Variants in INO80D observed in about 807,000 individuals in gnomAD.
The protein encoded by INO80D is INO80 complex subunit D.
In INO80D, 21 loss-of-function variants were observed where a neutral mutation model predicts 87.6. The ratio of observed to expected loss-of-function variants is 0.24; its 90% CI spans 0.17 to 0.35. The LOEUF (loss-of-function observed/expected upper bound fraction) is 0.35, where lower values mean the gene tolerates loss of function less well. Among genes scored for constraint, INO80D ranks in the 10% least tolerant of loss-of-function variants. INO80D has a pLI of 1.00. For synonymous variants in INO80D, 440 were observed against 491.0 expected (o/e 0.90, Z 1.37); for missense variants, 982 against 1,280.7 (o/e 0.77, Z 3.56).
At position 206,027,156 on chromosome 2, in the gene INO80D, G is replaced by GCACACACACA. The variant is rs34673264; in HGVS notation, c.1298+945_1298+954dup. Among the ~76,000 whole-genome samples, 128 of 151,304 alleles carry GCACACACACA rather than the reference G, an allele frequency of 8.5e-4. 1 individual carries two copies. Among genetic ancestry groups the GCACACACACA allele is most frequent in the Non-Finnish European group, 1.4e-3 (92 of 67,750 alleles). On this transcript the variant is annotated intron_variant, in intron 6 of 10. Transcript: ENST00000403263. ...AATTTACACACGCACGCGCGCACGC[G>GCACACACACA]CACACACACACACACACACACAGAG...
chr2:206,057,161 T>A (rs984497746), intron 3 of INO80D, among the ~76,000 whole-genome samples: 3 of 152,082 alleles, frequency 2.0e-5, no homozygotes, highest in Middle Eastern at 6.3e-3. Context: ...TGCACAGGGG[T>A]GGCCAGACAG....
At chr2:206,080,881 C>T (rs1453888873) in intron 1 of INO80D, among the ~76,000 whole-genome samples, 29 of 110,450 alleles carry the variant, frequency 2.6e-4, no homozygotes, top group Non-Finnish European at 3.8e-4. Context: ...CCAGCCTGGG[C>T]GACAGAGTGA....
chr2:206,071,832 T>C (rs1044851438), intron 1 of INO80D, among the ~76,000 whole-genome samples: 1 of 152,046 alleles, frequency 6.6e-6, no homozygotes, highest in East Asian at 1.9e-4. Context: ...ATTTTTTCAC[T>C]TTCCCTTGAG....
rs373314822 is a variant in INO80D, at chr2:206,028,136, G to A, written c.1273C>T (p.Arg425Trp). The change falls in exon 6 of 11, where the codon CGG (arginine) becomes TGG (tryptophan). Residue 425 changes from arginine to tryptophan, a missense_variant. Coordinates refer to ENST00000403263, the MANE Select transcript of INO80D (RefSeq NM_017759.5). ...ECTGQLIQELRRAACSRTSIS... is the reference protein window; with the variant it reads ...ECTGQLIQELWRAACSRTSIS... ...CTGGTTCGACTGCATGCAGCTCTCCGCAGTTCTTGTATTAACTGACCAGTG... is the reference window on the plus strand; with the variant it reads ...CTGGTTCGACTGCATGCAGCTCTCCACAGTTCTTGTATTAACTGACCAGTG... The A allele has an allele frequency of 7.1e-6, 11 of 1,552,984 alleles. No homozygotes were observed. Among genetic ancestry groups the A allele is most frequent in the African/African-American group, 4.1e-5 (3 of 73,274 alleles).
At chr2:206,029,780 GAAGA>G (rs1381171950) in intron 5 of INO80D, among the ~76,000 whole-genome samples, 1 of 152,112 alleles carries the variant, frequency 6.6e-6, no homozygotes, top group Non-Finnish European at 1.5e-5. Context: ...CAGCACTACA[GAAGA>G]GAGACCAACA....
rs146743400 is a variant in INO80D at position 205,995,126 on chromosome 2, C to G, written c.*9242G>C. ...AGGCAAATTGGTGAATTAAGTTGAT[C>G]TAGGAGATGGTGGCTGACATACACT... On this transcript the variant is annotated 3_prime_UTR_variant, in exon 11 of 11. Transcript: ENST00000403263. The G allele has an allele frequency of 3.3e-5, 5 of 152,264 alleles. No homozygotes were observed. In the East Asian group the frequency reaches 9.6e-4, roughly 29 times the overall value. The allele number at this position is 152,264 out of a possible 1,614,324, so 9.4% of individuals were successfully genotyped here. A position where few individuals can be genotyped will look rare whatever the true frequency, so the allele number is the denominator to read the frequency against.
At chr2:206,050,798 T>G (rs1213042959) in intron 4 of INO80D, among the ~76,000 whole-genome samples, 1 of 151,900 alleles carries the variant, frequency 6.6e-6, no homozygotes, top group Non-Finnish European at 1.5e-5. Flanking sequence ...GAAACCCCCG[T>G]CTCTACTAAA....
Position 206,028,136 on chromosome 2 carries a change from G to C in INO80D, c.1273C>G (p.Arg425Gly). 1 of 1,553,102 alleles carries C rather than the reference G, an allele frequency of 6.4e-7. No homozygotes were observed. Among genetic ancestry groups the C allele is most frequent in the Non-Finnish European group, 8.7e-7 (1 of 1,147,464 alleles). The change falls in exon 6 of 11, where the codon CGG (arginine) becomes GGG (glycine). Residue 425 changes from arginine (R) to glycine (G), a missense_variant. Physicochemically the swap from Arg to Gly is moderately radical, Grantham distance 125 (BLOSUM62 -2). Transcript: ENST00000403263. ...ECTGQLIQEL[R>G]RAACSRTSIS... Reference sequence around the variant, plus strand: ...CTGGTTCGACTGCATGCAGCTCTCCGCAGTTCTTGTATTAACTGACCAGTG... The same window carrying C: ...CTGGTTCGACTGCATGCAGCTCTCCCCAGTTCTTGTATTAACTGACCAGTG...
intron 1 of INO80D, among the ~76,000 whole-genome samples, chr2:206,071,795 T>C (rs1239426116): frequency 6.6e-6 from 1 of 152,012 alleles, no homozygotes; most frequent in Non-Finnish European, 1.5e-5. Flanking sequence ...GAGGTATGTC[T>C]CACCCCCACC....
intron 5 of INO80D, 48 bp from the exon 6 acceptor site, chr2:206,028,383 C>A (rs376469740): frequency 7.1e-6 from 10 of 1,416,602 alleles, no homozygotes; most frequent in African/African-American, 1.4e-5. Flanking sequence ...ACATTAGGCT[C>A]ATTTTAGACA....
intron 5 of INO80D, among the ~76,000 whole-genome samples, chr2:206,038,380 T>A (rs1209810219): frequency 6.6e-6 from 1 of 152,200 alleles, no homozygotes; most frequent in Non-Finnish European, 1.5e-5. Context: ...AAGAAACACT[T>A]AACAGCATAT....
At chr2:206,048,678 T>C (rs565072626) in intron 4 of INO80D, among the ~76,000 whole-genome samples, 6 of 152,158 alleles carry the variant, frequency 3.9e-5, no homozygotes, top group Non-Finnish European at 7.4e-5. Flanking sequence ...GGGATCACTT[T>C]AGGCAAGAAG....
intron 6 of INO80D, chr2:206,025,528 C>CAAAAAAAAAAAAAAA (rs71410856): frequency 1.8e-4 from 10 of 54,532 alleles, no homozygotes; most frequent in African/African-American, 3.5e-4. Context: ...AACTCCATCT[C>CAAAAAAAAAAAAAAA]AAAAAAAAAA....
rs71410859 is a variant in INO80D, at chr2:206,078,061, C to CAAAAAAAAAAAAA, written c.-124+7827_-124+7839dup. Among the ~76,000 whole-genome samples the CAAAAAAAAAAAAA allele has an allele frequency of 9.2e-4, 58 of 63,058 alleles. 7 individuals carry two copies. Among genetic ancestry groups the CAAAAAAAAAAAAA allele is most frequent in the East Asian group, 1.3e-3 (2 of 1,510 alleles). The allele number at this position is 63,058 out of a possible 152,430, so 41.4% of individuals were successfully genotyped here. On this transcript the variant is annotated intron_variant, in intron 1 of 10. Transcript: ENST00000403263. ...TTCCAGCAAGTTGTTGCAATGTTTACAAAAAAAAAAAAAAAAAAAAAAAAA... is the reference window on the plus strand; with the variant it reads ...TTCCAGCAAGTTGTTGCAATGTTTACAAAAAAAAAAAAAAAAAAAAAAAAAAAAAAAAAAAAAA...
At chr2:206,053,233 C>A (rs1689422737) in intron 4 of INO80D, among the ~76,000 whole-genome samples, 1 of 151,976 alleles carries the variant, frequency 6.6e-6, no homozygotes, top group Non-Finnish European at 1.5e-5. Context: ...AGGCTATATA[C>A]ATCTACGACA....
At chr2:206,005,602 T>C (rs144472184) in intron 10 of INO80D, 69 bp from the exon 11 acceptor site, 2 of 1,188,984 alleles carry the variant, frequency 1.7e-6, no homozygotes, top group African/African-American at 1.5e-5. Context: ...AATCACACAT[T>C]TGAATTATTT....
rs1176000892 is a variant in INO80D, at chr2:205,998,137, G to A, written c.*6231C>T. The A allele has an allele frequency of 6.6e-6, 1 of 152,038 alleles. No homozygotes were observed. Among genetic ancestry groups the A allele is most frequent in the Non-Finnish European group, 1.5e-5 (1 of 67,958 alleles). The allele number at this position is 152,038 out of a possible 1,614,324, so 9.4% of individuals were successfully genotyped here. On this transcript the variant is annotated 3_prime_UTR_variant, in exon 11 of 11. Transcript: ENST00000403263. ...TGTAAATTAAAGAATAACTCCATAG[G>A]AAATAAAAGAGGTCTTACAAACTTA...
chr2:206,024,494 G>A (rs903173840), intron 6 of INO80D, among the ~76,000 whole-genome samples: 8 of 151,874 alleles, frequency 5.3e-5, no homozygotes, highest in South Asian at 2.1e-4. Flanking sequence ...GGTGATTTGG[G>A]TGTAAGGGAA....
At position 206,062,300 on chromosome 2, in the gene INO80D, C is replaced by T. The variant is rs560483893; in HGVS notation, c.218+499G>A. Among the ~76,000 whole-genome samples, 1 of 152,264 alleles carries T rather than the reference C, an allele frequency of 6.6e-6. No individual in the cohort carries two copies. The highest frequency in any genetic ancestry group is 1.9e-4 in the East Asian group (1 of 5,182). On this transcript the variant is annotated intron_variant, in intron 3 of 10. Transcript: ENST00000403263. This position sits in a 1 kb window ranked among gnomAD's most constrained non-coding sequence, Gnocchi z 4.6. ...TCAAGTAGTTTTTTAAAATTTTCTT[C>T]AGTAAGTATATATCCTTTACTAACT...
Sources: allele counts gnomAD v4.1 joint callset (sites outside exome capture counted in the v4.1 genomes callset), GRCh38; gene constraint gnomAD v4.1.1; non-coding constraint Gnocchi (gnomAD v3.1); transcripts MANE v1.5; gene names NCBI Gene and HGNC (gene_info 2026-07-23, HGNC 2026-07-21).